The following CERT1 variants were observed in gnomAD, a reference collection of about 807,000 sequenced individuals.
The protein encoded by CERT1 is ceramide transfer protein.
CERT1 carries 31 observed loss-of-function variants against 87.9 expected under a neutral mutation model. The observed-to-expected ratio is 0.35, with a 90% CI of 0.27 to 0.48. The LOEUF (loss-of-function observed/expected upper bound fraction) is 0.48, where lower values mean the gene tolerates loss of function less well. CERT1 is among the 20% of genes least tolerant of loss of function. The pLI is 0.99. For missense variants in CERT1, 487 were observed against 758.0 expected (o/e 0.64, Z 4.20); for synonymous variants, 289 against 250.9 (o/e 1.15, Z -1.44).
chr5:75,494,181 G>T (rs954215328), intron 2 of CERT1, among the ~76,000 whole-genome samples: 1 of 152,148 alleles, frequency 6.6e-6, no homozygotes, highest in Non-Finnish European at 1.5e-5. Flanking sequence ...GGAATCTTCT[G>T]ACTCGAAACC....
chr5:75,409,708 T>C (rs571307591), intron 8 of CERT1, among the ~76,000 whole-genome samples: 2 of 152,234 alleles, frequency 1.3e-5, no homozygotes, highest in African/African-American at 2.4e-5. Flanking sequence ...TGCATTTTTT[T>C]AGTAGAGACG....
chr5:75,460,386 T>G (rs1765174443), intron 2 of CERT1, among the ~76,000 whole-genome samples: 1 of 152,138 alleles, frequency 6.6e-6, no homozygotes, highest in African/African-American at 2.4e-5. Flanking sequence ...GAATATTACA[T>G]AAGATCTACA....
Position 75,476,951 on chromosome 5 carries a change from C to T in CERT1, c.232-17770G>A, listed in dbSNP as rs1481517674. Among the ~76,000 whole-genome samples, 6 of 152,092 alleles carry T rather than the reference C, an allele frequency of 3.9e-5. No homozygotes were observed. In the East Asian group the frequency reaches 7.7e-4, roughly 20 times the overall value. ...CAGTCATCTCACTTAGTTTTAAAGTCCCCCAAATTCCCAAATTAACAAAAC... is the reference window on the plus strand; with the variant it reads ...CAGTCATCTCACTTAGTTTTAAAGTTCCCCAAATTCCCAAATTAACAAAAC... On this transcript the variant is annotated intron_variant, in intron 2 of 16. Coordinates refer to ENST00000643780, the MANE Select transcript of CERT1 (RefSeq NM_001379029.1).
intron 12 of CERT1, among the ~76,000 whole-genome samples, chr5:75,387,111 T>C (rs1313646551): frequency 2.0e-5 from 3 of 151,964 alleles, no homozygotes; most frequent in Non-Finnish European, 4.4e-5. Context: ...TCAGATGATC[T>C]GCCCGCCTTG....
chr5:75,483,053 T>G (rs1318848538), intron 2 of CERT1, among the ~76,000 whole-genome samples: 1 of 152,156 alleles, frequency 6.6e-6, no homozygotes, highest in Non-Finnish European at 1.5e-5. Flanking sequence ...AAGGCACCAG[T>G]GATAAATCCC....
At chr5:75,502,100 T>C (rs1767400002) in intron 2 of CERT1, among the ~76,000 whole-genome samples, 1 of 151,734 alleles carries the variant, frequency 6.6e-6, no homozygotes, top group Non-Finnish European at 1.5e-5. Context: ...AATTACCATA[T>C]GAAGAGTTTC....
intron 5 of CERT1, among the ~76,000 whole-genome samples, chr5:75,424,809 A>C (rs761725106): frequency 6.6e-6 from 1 of 152,140 alleles, no homozygotes; most frequent in Admixed American, 6.5e-5. Context: ...TAATGGAATA[A>C]AGAGTATCAT....
intron 5 of CERT1, among the ~76,000 whole-genome samples, chr5:75,424,593 A>T (rs1763526952): frequency 6.6e-6 from 1 of 151,688 alleles, no homozygotes; most frequent in African/African-American, 2.4e-5. Flanking sequence ...AAAGAAAAAG[A>T]GAGAGAGAGG....
rs1369336301 is a variant in CERT1, at chr5:75,511,617, T to A, written c.-410A>T. 1 of 1,474,986 alleles carries A rather than the reference T, an allele frequency of 6.8e-7. No homozygotes were observed. Among genetic ancestry groups the A allele is most frequent in the African/African-American group, 1.4e-5 (1 of 71,236 alleles). The allele number at this position is 1,474,986 out of a possible 1,614,324, so 91.4% of individuals were successfully genotyped here. A position where few individuals can be genotyped will look rare whatever the true frequency, so the allele number is the denominator to read the frequency against. On this transcript the variant is annotated 5_prime_UTR_variant, in exon 1 of 17. Transcript: ENST00000643780. ...CCGCTACCGCCGCCATCTTCCTGCC[T>A]GGCCCACTATTTACCCTCCCCTCCC...
At chr5:75,447,607 A>T (rs1451235317) in intron 3 of CERT1, among the ~76,000 whole-genome samples, 1 of 151,818 alleles carries the variant, frequency 6.6e-6, no homozygotes, top group African/African-American at 2.4e-5. Flanking sequence ...AGTAGCTGGG[A>T]CTACAGGTGC....
In CERT1 at chr5:75,379,370, A is replaced by T. The variant is rs1218469446; in HGVS notation, c.1851T>A (p.Thr617=). The change falls in exon 17 of 17, where the codon ACT becomes ACA. Residue 617 remains threonine (T), a synonymous_variant. Coordinates refer to ENST00000643780, the MANE Select transcript of CERT1 (RefSeq NM_001379029.1). ...KRFTSYVQEK[T]AGKPILF ...ACTAGAACAAAATAGGCTTTCCTGC[A>T]GTTTTTTCTTGGACGTAAGAAGTAA... 1.2e-6 allele frequency: 2 copies of T among 1,613,590 alleles called. No individual in the cohort carries two copies. The highest frequency in any genetic ancestry group is 2.7e-5 in the African/African-American group (2 of 74,928).
At chr5:75,453,386 T>C (rs1178513187) in intron 3 of CERT1, among the ~76,000 whole-genome samples, 1 of 152,186 alleles carries the variant, frequency 6.6e-6, no homozygotes, top group Non-Finnish European at 1.5e-5. Flanking sequence ...TAAGAAGTTA[T>C]GGTCTAAATA....
chr5:75,498,953 C>T (rs939382468), intron 2 of CERT1, among the ~76,000 whole-genome samples: 18 of 152,212 alleles, frequency 1.2e-4, no homozygotes, highest in African/African-American at 4.3e-4. Context: ...TCTGCAAAGC[C>T]ACAGGGACGG....
chr5:75,403,122 C>CAAG, intron 8 of CERT1, 64 bp from the exon 9 acceptor site: 1 of 1,048,276 alleles, frequency 9.5e-7, no homozygotes, highest in Non-Finnish European at 1.5e-6. Flanking sequence ...TCTGATAACT[C>CAAG]TGGTATTAAC....
chr5:75,509,303 A>T (rs991977066), intron 1 of CERT1, among the ~76,000 whole-genome samples: 3 of 152,208 alleles, frequency 2.0e-5, no homozygotes, highest in African/African-American at 7.2e-5. Context: ...ATTTACATTT[A>T]AAAACATCTA....
At chr5:75,394,475 TG>T (rs1275092853) in intron 11 of CERT1, among the ~76,000 whole-genome samples, 1 of 152,200 alleles carries the variant, frequency 6.6e-6, no homozygotes, top group Non-Finnish European at 1.5e-5. Context: ...CATTCTAGCC[TG>T]GAAGACAGAA....
At chr5:75,502,404 T>C (rs1767415952) in intron 2 of CERT1, among the ~76,000 whole-genome samples, 1 of 152,108 alleles carries the variant, frequency 6.6e-6, no homozygotes, top group South Asian at 2.1e-4. Flanking sequence ...TAAAAACAAA[T>C]TTTAAAGTAC....
At chr5:75,377,643 A>G (rs184674439), downstream of CERT1, 1 of 152,330 alleles carries the variant, frequency 6.6e-6, no homozygotes, top group African/African-American at 2.4e-5. Flanking sequence ...CTTTAACAAC[A>G]AAAAAAGTGT....
At chr5:75,484,141 TG>T (rs1766390252) in intron 2 of CERT1, among the ~76,000 whole-genome samples, 1 of 152,058 alleles carries the variant, frequency 6.6e-6, no homozygotes, top group Non-Finnish European at 1.5e-5. Flanking sequence ...TGTTTCTTTT[TG>T]TAACCAGTGC....
Sources: gnomAD v4.1 joint callset for allele counts (sites outside exome capture counted in the v4.1 genomes callset) on GRCh38, gnomAD v4.1.1 for gene constraint, MANE v1.5 for transcripts, NCBI Gene and HGNC (gene_info 2026-07-23, HGNC 2026-07-21) for gene names.